The following CAP2 variants were observed in gnomAD, a reference collection of about 807,000 sequenced individuals.
CAP2 encodes the protein adenylyl cyclase-associated protein 2.
CAP2 carries 24 observed loss-of-function variants against 57.7 expected under a neutral mutation model. The ratio of observed to expected loss-of-function variants is 0.42; its 90% CI spans 0.30 to 0.58. The LOEUF is 0.58. Among genes scored for constraint, CAP2 ranks in the 20% least tolerant of loss-of-function variants. CAP2 has a pLI of 0.22. For missense variants in CAP2, 501 were observed against 590.3 expected, an observed-to-expected ratio of 0.85 and a Z score of 1.57; for synonymous variants, 194 against 207.2, an observed-to-expected ratio of 0.94 and a Z score of 0.55.
At chr6:17,507,410 G>GGAA in intron 5 of CAP2, 98 bp downstream of exon 5, 1 of 1,303,336 alleles carries the variant, frequency 7.7e-7, no homozygotes, top group Non-Finnish European at 1.1e-6. Flanking sequence ...TTGCACTGAA[G>GGAA]GAAGCTTCTT....
chr6:17,469,910 A>G (rs188033796), intron 4 of CAP2, among the ~76,000 whole-genome samples: 50 of 152,342 alleles, frequency 3.3e-4, no homozygotes, highest in African/African-American at 1.2e-3. Flanking sequence ...TGTTCACATT[A>G]AACTAAGCAA....
chr6:17,410,536 A>T (rs1759112284), intron 1 of CAP2, among the ~76,000 whole-genome samples: 1 of 151,534 alleles, frequency 6.6e-6, no homozygotes, highest in Non-Finnish European at 1.5e-5. Context: ...ACTTCTGACC[A>T]CTGGGAGATG....
chr6:17,453,707 G>T (rs1760473043), intron 3 of CAP2, among the ~76,000 whole-genome samples: 1 of 152,110 alleles, frequency 6.6e-6, no homozygotes, highest in Non-Finnish European at 1.5e-5. Context: ...TTAACCCACA[G>T]TGGTAATTAG....
intron 1 of CAP2, among the ~76,000 whole-genome samples, chr6:17,411,794 C>A (rs2113518735): frequency 6.6e-6 from 1 of 152,168 alleles, no homozygotes; most frequent in East Asian, 1.9e-4. Context: ...TTTCTCAGTG[C>A]CAGCGTGTGG....
At chr6:17,412,703 A>C (rs899444726) in intron 1 of CAP2, among the ~76,000 whole-genome samples, 1 of 151,504 alleles carries the variant, frequency 6.6e-6, no homozygotes, top group Non-Finnish European at 1.5e-5. Flanking sequence ...GTTTAGATGG[A>C]AATGTCAGGG....
chr6:17,471,472 T>G (rs1175900805), intron 4 of CAP2, among the ~76,000 whole-genome samples: 1 of 152,216 alleles, frequency 6.6e-6, no homozygotes, highest in East Asian at 1.9e-4. Context: ...CAAGGATTTT[T>G]AATGGGTTTT....
At chr6:17,467,533 T>G (rs73375226) in intron 4 of CAP2, among the ~76,000 whole-genome samples, 2,486 of 152,260 alleles carry the variant, frequency 0.016, 73 homozygotes, top group African/African-American at 0.056. Flanking sequence ...AACGTTTGTT[T>G]GTTTTTTTGG....
intron 11 of CAP2, among the ~76,000 whole-genome samples, chr6:17,547,638 G>A (rs1264820482): frequency 2.6e-5 from 4 of 151,954 alleles, no homozygotes; most frequent in Non-Finnish European, 5.9e-5. Context: ...TCCGGAGATT[G>A]AGACCATCCT....
At chr6:17,540,555 C>T (rs948885389) in intron 8 of CAP2, among the ~76,000 whole-genome samples, 7 of 151,982 alleles carry the variant, frequency 4.6e-5, no homozygotes, top group African/African-American at 1.7e-4. Context: ...GTTCAAAGAC[C>T]AGCGTGGCCA....
At chr6:17,394,763 G>T (rs537227166) in intron 1 of CAP2, among the ~76,000 whole-genome samples, 160 of 150,072 alleles carry the variant, frequency 1.1e-3, no homozygotes, top group African/African-American at 3.8e-3. Context: ...AAATTACAAC[G>T]GTAGAGTGAA....
At chr6:17,499,797 G>A (rs1581571922) in intron 4 of CAP2, among the ~76,000 whole-genome samples, 1 of 151,908 alleles carries the variant, frequency 6.6e-6, no homozygotes, top group East Asian at 1.9e-4. Flanking sequence ...GTTGCAGTGA[G>A]CCAAGATTGC....
chr6:17,473,113 C>G (rs182141956), intron 4 of CAP2, among the ~76,000 whole-genome samples: 7 of 151,694 alleles, frequency 4.6e-5, no homozygotes, highest in Admixed American at 4.6e-4. Context: ...TAATGAATGG[C>G]TGCCCAAAGG....
At chr6:17,454,185 C>T (rs983925478) in intron 3 of CAP2, among the ~76,000 whole-genome samples, 1 of 151,986 alleles carries the variant, frequency 6.6e-6, no homozygotes, top group Non-Finnish European at 1.5e-5. Context: ...ACTGGGATTA[C>T]GGGCATGAGC....
rs1233347517 is a variant in CAP2, at chr6:17,513,652, C to T, written c.531-197C>T. On this transcript the variant is annotated intron_variant, in intron 6 of 12. Transcript: ENST00000229922. The surrounding 1 kb of genome is among the most constrained non-coding windows in gnomAD (Gnocchi z 4.3). ...GCTCAGGGCATCCGGCCACCTGCCG[C>T]CTCCCCTCAGGAGAGTACTGGGCCA... Among the ~76,000 whole-genome samples, 1 of 152,158 alleles carries T rather than the reference C, an allele frequency of 6.6e-6. No homozygotes were observed. The highest frequency in any genetic ancestry group is 1.5e-5 in the Non-Finnish European group (1 of 68,020).
At chr6:17,398,714 C>G (rs551499412) in intron 1 of CAP2, among the ~76,000 whole-genome samples, 1 of 151,918 alleles carries the variant, frequency 6.6e-6, no homozygotes, top group East Asian at 1.9e-4. Flanking sequence ...TTAGTAGAGA[C>G]GGGATTTCAC....
intron 4 of CAP2, among the ~76,000 whole-genome samples, chr6:17,502,122 C>T (rs1761840019): frequency 6.6e-6 from 1 of 152,190 alleles, no homozygotes; most frequent in East Asian, 1.9e-4. Context: ...CAATGCACTC[C>T]CTTGACAGAA....
chr6:17,537,747 G>A (rs189661167), intron 7 of CAP2, among the ~76,000 whole-genome samples: 1 of 152,104 alleles, frequency 6.6e-6, no homozygotes, highest in Admixed American at 6.6e-5. Flanking sequence ...CCTATTATAG[G>A]TATACAGTTC....
At position 17,513,166 on chromosome 6, in the gene CAP2, T is replaced by G. The variant is rs972513923; in HGVS notation, c.531-683T>G. On this transcript the variant is annotated intron_variant, in intron 6 of 12. Coordinates refer to ENST00000229922, the MANE Select transcript of CAP2 (RefSeq NM_006366.3). This position sits in a 1 kb window ranked among gnomAD's most constrained non-coding sequence, Gnocchi z 4.3. ...TAATCCCATTATAAAAGGTAAGCAT[T>G]TTACTAGCCCTTGGTTCAATAAAAT... Among the ~76,000 whole-genome samples the G allele has an allele frequency of 6.6e-6, 1 of 152,152 alleles. No individual in the cohort carries two copies. The highest frequency in any genetic ancestry group is 1.5e-5 in the Non-Finnish European group (1 of 68,028).
intron 4 of CAP2, among the ~76,000 whole-genome samples, chr6:17,491,656 A>G (rs952852310): frequency 1.3e-5 from 2 of 152,118 alleles, no homozygotes; most frequent in Non-Finnish European, 2.9e-5. Flanking sequence ...TGTTTTGCCT[A>G]AGAGTATTAG....
Sources: gnomAD v4.1 joint callset for allele counts (sites outside exome capture counted in the v4.1 genomes callset) on GRCh38, gnomAD v4.1.1 for gene constraint, Gnocchi (gnomAD v3.1) non-coding constraint, MANE v1.5 for transcripts, NCBI Gene and HGNC (gene_info 2026-07-23, HGNC 2026-07-21) for gene names.